RTP1: variants seen among roughly 807,000 people sequenced by gnomAD.
The protein encoded by RTP1 is receptor transporter protein 1.
In RTP1, 24 loss-of-function variants were observed where a neutral mutation model predicts 27.1. The observed-to-expected ratio is 0.89, with a 90% CI of 0.64 to 1.25. The LOEUF is 1.25. Ranked by LOEUF, RTP1 falls within the 50% of genes most tolerant of loss-of-function variation. The probability of loss-of-function intolerance (pLI) is 0.00; values close to 1 mark genes in which losing one functional copy is unlikely to be tolerated. For synonymous variants in RTP1, 148 were observed against 148.1 expected, an observed-to-expected ratio of 1.00 and a Z score of 0.00; for missense variants, 338 against 351.6, an observed-to-expected ratio of 0.96 and a Z score of 0.31.
At position 187,200,007 on chromosome 3, in the gene RTP1, GT is replaced by G; in HGVS notation, c.733del (p.Trp245GlyfsTer7). The G allele has an allele frequency of 1.3e-6, 2 of 1,543,048 alleles. No homozygotes were observed. The highest frequency in any genetic ancestry group is 1.7e-6 in the Non-Finnish European group (2 of 1,145,664). ...WNFCSIPWCL[F>X]WATVLLLIIY... is the part of the protein sequence containing the mutation. Reference sequence around the variant, plus strand: ...ACTTCTGCTCTATCCCCTGGTGCTTGTTTTGGGCCACGGTCCTGCTGCTGAT... The same window carrying G: ...ACTTCTGCTCTATCCCCTGGTGCTTGTTTGGGCCACGGTCCTGCTGCTGAT... On this transcript the variant is annotated frameshift_variant, in exon 2 of 2. Coordinates refer to ENST00000312295, the MANE Select transcript of RTP1 (RefSeq NM_153708.3). LOFTEE classifies it high-confidence loss of function.
Position 187,201,104 on chromosome 3 carries a change from G to C in RTP1, c.*1034G>C, listed in dbSNP as rs1721710883. 6.6e-6 allele frequency: 1 copy of C among 152,216 alleles called. No individual in the cohort carries two copies. Among genetic ancestry groups the C allele is most frequent in the Non-Finnish European group, 1.5e-5 (1 of 68,042 alleles). 9.4% of individuals were successfully genotyped at this position (152,216 alleles called of 1,614,324 possible). ...GCATGAGGCCTCTTGCCAAAGATCAGCTGTCCCCCTAAAGCCACAGGGATG... is the reference window on the plus strand; with the variant it reads ...GCATGAGGCCTCTTGCCAAAGATCACCTGTCCCCCTAAAGCCACAGGGATG... On this transcript the variant is annotated 3_prime_UTR_variant, in exon 2 of 2. Coordinates refer to ENST00000312295, the MANE Select transcript of RTP1 (RefSeq NM_153708.3).
At chr3:187,198,630 A>G (rs1721644538) in intron 1 of RTP1, 1 of 152,178 alleles carries the variant, frequency 6.6e-6, no homozygotes, top group Non-Finnish European at 1.5e-5. Context: ...TTCAGGAAAC[A>G]TTACTGGGCA....
chr3:187,199,626 C>T lies in RTP1; in HGVS notation c.348C>T (p.Arg116=), dbSNP rs771612206. The change falls in exon 2 of 2, where the codon CGC becomes CGT. Residue 116 remains arginine (R), a synonymous_variant. Coordinates refer to ENST00000312295, the MANE Select transcript of RTP1 (RefSeq NM_153708.3). ...VVILFHMFLD[R]AQRAGSVRMR... ...TCCTCTTCCACATGTTCCTGGACCG[C>T]GCCCAGCGGGCGGGCTCGGTGCGCA... The T allele has an allele frequency of 6.2e-7, 1 of 1,608,912 alleles. No homozygotes were observed. The highest frequency in any genetic ancestry group is 8.5e-7 in the Non-Finnish European group (1 of 1,175,830).
At position 187,199,927 on chromosome 3, in the gene RTP1, T is replaced by C. The variant is rs1197196458; in HGVS notation, c.649T>C (p.Phe217Leu). The C allele has an allele frequency of 6.3e-7, 1 of 1,596,196 alleles. No homozygotes were observed. The highest frequency in any genetic ancestry group is 2.2e-5 in the East Asian group (1 of 44,622). Residue 217 changes from phenylalanine (F) to leucine (L), a missense_variant, in exon 2 of 2, where the codon TTC becomes CTC. Phe to Leu is a conservative substitution (Grantham distance 22). This residue lies in a region of RTP1 where 252 missense variants were observed against 231.5 expected (regional missense o/e 1.09). Transcript: ENST00000312295. ...GGAGGAGGAGGCGACCACCTACACC[T>C]TCTCCCGGGCGCCCAGCCCCACCAA... ...LLEEEATTYT[F>L]SRAPSPTKSQ...
chr3:187,199,881 G>C lies in RTP1; in HGVS notation c.603G>C (p.Trp201Cys), dbSNP rs1466301873. The C allele has an allele frequency of 6.3e-7, 1 of 1,593,732 alleles. No individual in the cohort carries two copies. The part of the protein sequence containing the change: ...CEACQEGIVH[W>C]KPSEKLLEEE... Reference sequence around the variant, plus strand: ...CCTGCCAGGAGGGCATCGTGCACTGGAAGCCCAGCGAGAAGCTGCTGGAGG... The same window carrying C: ...CCTGCCAGGAGGGCATCGTGCACTGCAAGCCCAGCGAGAAGCTGCTGGAGG... The change falls in exon 2 of 2, where the codon TGG (tryptophan) becomes TGC (cysteine). Residue 201 changes from tryptophan (W) to cysteine (C), a missense_variant. Trp to Cys is a radical substitution (Grantham distance 215, BLOSUM62 -2). Around this residue, in one of 3 missense-constraint regions of RTP1, gnomAD observed 252 missense variants for 231.5 expected, o/e 1.09. Coordinates refer to ENST00000312295, the MANE Select transcript of RTP1 (RefSeq NM_153708.3).
chr3:187,199,657 G>A lies in RTP1; in HGVS notation c.379G>A (p.Val127Ile), dbSNP rs762886174. ...AQRAGSVRMR[V>I]FKQLCYECGT... is the part of the protein sequence containing the mutation. ...GCGGGCGGGCTCGGTGCGCATGCGC[G>A]TCTTCAAGCAGCTGTGCTATGAGTG... The change falls in exon 2 of 2, where the codon GTC (valine) becomes ATC (isoleucine). Residue 127 changes from valine (V) to isoleucine (I), a missense_variant. By Grantham distance (29) the Val-to-Ile change is conservative. Coordinates refer to ENST00000312295, the MANE Select transcript of RTP1 (RefSeq NM_153708.3). 1.4e-5 allele frequency: 23 copies of A among 1,609,854 alleles called. No individual in the cohort carries two copies. Among genetic ancestry groups the A allele is most frequent in the Non-Finnish European group, 2.0e-5 (23 of 1,176,666 alleles).
In RTP1 at chr3:187,197,811, C is replaced by G. The variant is rs529199615; in HGVS notation, c.272+24C>G. On this transcript the variant is annotated intron_variant, in intron 1 of 1. Transcript: ENST00000312295. ...AGGTGAGTAGCCCAGGAAGGTGGAT[C>G]CCTGCAGGCCGCCTCTAGGTCCCTA... 9.4e-6 allele frequency: 15 copies of G among 1,601,712 alleles called. No homozygotes were observed. The South Asian group carries it at 1.7e-4, about 18-fold the overall frequency.
At chr3:187,199,447 C>A in intron 1 of RTP1, 104 bp from the exon 2 acceptor site, 1 of 1,316,364 alleles carries the variant, frequency 7.6e-7, no homozygotes, top group Non-Finnish European at 1.0e-6. Flanking sequence ...ACTTCCTCCA[C>A]CTCCAGGCTC....
In RTP1 at chr3:187,200,179, A is replaced by G; in HGVS notation, c.*109A>G. On this transcript the variant is annotated 3_prime_UTR_variant, in exon 2 of 2. Coordinates refer to ENST00000312295, the MANE Select transcript of RTP1 (RefSeq NM_153708.3). Reference sequence around the variant, plus strand: ...GTAAACTTCTAGCGCTGGTGATGTCACTGACTCAGTGGGGATCTTGGACAA... The same window carrying G: ...GTAAACTTCTAGCGCTGGTGATGTCGCTGACTCAGTGGGGATCTTGGACAA... The G allele has an allele frequency of 1.0e-6, 1 of 959,782 alleles. No homozygotes were observed. Among genetic ancestry groups the G allele is most frequent in the Non-Finnish European group, 1.5e-6 (1 of 685,230 alleles). 59.5% of individuals were successfully genotyped at this position (959,782 alleles called of 1,614,324 possible).
intron 1 of RTP1, 34 bp downstream of exon 1, chr3:187,197,821 C>G (rs200624629): frequency 3.1e-6 from 5 of 1,597,156 alleles, no homozygotes; most frequent in Non-Finnish European, 4.3e-6. Context: ...CCCTGCAGGC[C>G]GCCTCTAGGT....
At chr3:187,197,889 G>A in intron 1 of RTP1, 102 bp downstream of exon 1, 1 of 1,184,962 alleles carries the variant, frequency 8.4e-7, no homozygotes, top group Non-Finnish European at 1.2e-6. Context: ...CAAGTGTTTA[G>A]CTTCAATCTC....
In RTP1 at chr3:187,200,299, C is replaced by A. The variant is rs1270083175; in HGVS notation, c.*229C>A. The stretch of plus-strand genomic sequence containing the variant: ...AGGACCCCAAAGTTCTGCGTAGGTG[C>A]CTCAGGGACTTTTGGATTTGGAAAG... On this transcript the variant is annotated 3_prime_UTR_variant, in exon 2 of 2. Transcript: ENST00000312295. 1 of 381,592 alleles carries A rather than the reference C, an allele frequency of 2.6e-6. No homozygotes were observed. Among genetic ancestry groups the A allele is most frequent in the Non-Finnish European group, 4.6e-6 (1 of 218,114 alleles). 23.6% of individuals were successfully genotyped at this position (381,592 alleles called of 1,614,324 possible).
rs752765295 is a variant in RTP1, at chr3:187,199,702, G to C, written c.424G>C (p.Glu142Gln). 2 of 1,613,062 alleles carry C rather than the reference G, an allele frequency of 1.2e-6. No individual in the cohort carries two copies. Among genetic ancestry groups the C allele is most frequent in the Admixed American group, 1.7e-5 (1 of 59,984 alleles). The change falls in exon 2 of 2, where the codon GAG becomes CAG. Residue 142 changes from glutamate to glutamine, a missense_variant. Glu to Gln is a conservative substitution (Grantham distance 29, BLOSUM62 2). This residue lies in a region of RTP1 where 252 missense variants were observed against 231.5 expected (regional missense o/e 1.09). Coordinates refer to ENST00000312295, the MANE Select transcript of RTP1 (RefSeq NM_153708.3). ...CYECGTARLD[E>Q]SSMLEENIEG... The stretch of plus-strand genomic sequence containing the variant: ...TGAGTGCGGCACGGCGCGGCTGGAC[G>C]AGTCCAGCATGCTGGAGGAGAACAT...
Position 187,200,172 on chromosome 3 carries a change from T to A in RTP1, c.*102T>A. On this transcript the variant is annotated 3_prime_UTR_variant, in exon 2 of 2. Transcript: ENST00000312295. ...GAATAGTGTAAACTTCTAGCGCTGG[T>A]GATGTCACTGACTCAGTGGGGATCT... The A allele has an allele frequency of 9.8e-7, 1 of 1,015,492 alleles. No homozygotes were observed. Among genetic ancestry groups the A allele is most frequent in the Non-Finnish European group, 1.4e-6 (1 of 730,064 alleles). 62.9% of individuals were successfully genotyped at this position (1,015,492 alleles called of 1,614,324 possible).
Position 187,200,846 on chromosome 3 carries a change from T to C in RTP1, c.*776T>C, listed in dbSNP as rs181225433. ...GGGGTGGGGTCTCATAGAGTTAGGC[T>C]TCTCACCCACTGCGTATTAACTGGC... On this transcript the variant is annotated 3_prime_UTR_variant, in exon 2 of 2. Transcript: ENST00000312295. 1 of 152,308 alleles carries C rather than the reference T, an allele frequency of 6.6e-6. No homozygotes were observed. Among genetic ancestry groups the C allele is most frequent in the Non-Finnish European group, 1.5e-5 (1 of 68,050 alleles). The allele number at this position is 152,308 out of a possible 1,614,324, so 9.4% of individuals were successfully genotyped here. A position where few individuals can be genotyped will look rare whatever the true frequency, so the allele number is the denominator to read the frequency against.
rs1721690206 is a variant in RTP1, at chr3:187,200,066, T to C, written c.788T>C (p.Val263Ala). 1.3e-6 allele frequency: 2 copies of C among 1,505,804 alleles called. No individual in the cohort carries two copies. The highest frequency in any genetic ancestry group is 2.3e-5 in the East Asian group (1 of 43,780). 93.3% of individuals were successfully genotyped at this position (1,505,804 alleles called of 1,614,324 possible). A position where few individuals can be genotyped will look rare whatever the true frequency, so the allele number is the denominator to read the frequency against. ...CTGCAGTTCTCTTTCCGTAGCTCCG[T>C]ATAAGATTCCGTGGTTGGGCCCAGA... ...IYLQFSFRSS[V>A] The change falls in exon 2 of 2, where the codon GTA (valine) becomes GCA (alanine). Residue 263 changes from valine to alanine, a missense_variant. Physicochemically the swap from Val to Ala is moderately conservative, Grantham distance 64. This residue lies in a region of RTP1 where 252 missense variants were observed against 231.5 expected (regional missense o/e 1.09). Transcript: ENST00000312295.
At position 187,199,538 on chromosome 3, in the gene RTP1, C is replaced by T; in HGVS notation, c.273-13C>T. 1 of 1,572,522 alleles carries T rather than the reference C, an allele frequency of 6.4e-7. No individual in the cohort carries two copies. On this transcript the variant is annotated splice_polypyrimidine_tract_variant and intron_variant, in intron 1 of 1. Coordinates refer to ENST00000312295, the MANE Select transcript of RTP1 (RefSeq NM_153708.3). Reference sequence around the variant, plus strand: ...CCCGTCTTCTATTCCTCCCTCTCCTCCCGTCTCCGCAGGTTCCACTGCTCC... The same window carrying T: ...CCCGTCTTCTATTCCTCCCTCTCCTTCCGTCTCCGCAGGTTCCACTGCTCC...
At position 187,200,053 on chromosome 3, in the gene RTP1, T is replaced by G. The variant is rs1303280490; in HGVS notation, c.775T>G (p.Phe259Val). 6.6e-7 allele frequency: 1 copy of G among 1,514,318 alleles called. No individual in the cohort carries two copies. The highest frequency in any genetic ancestry group is 2.3e-5 in the East Asian group (1 of 43,868). 93.8% of individuals were successfully genotyped at this position (1,514,318 alleles called of 1,614,324 possible). Residue 259 changes from phenylalanine (F) to valine (V), a missense_variant, in exon 2 of 2, where the codon TTC becomes GTC. By Grantham distance (50) the Phe-to-Val change is conservative. Around this residue, in one of 3 missense-constraint regions of RTP1, gnomAD observed 252 missense variants for 231.5 expected, o/e 1.09. Coordinates refer to ENST00000312295, the MANE Select transcript of RTP1 (RefSeq NM_153708.3). ...LLLIIYLQFS[F>V]RSSV Reference sequence around the variant, plus strand: ...GCTGATCATCTACCTGCAGTTCTCTTTCCGTAGCTCCGTATAAGATTCCGT... The same window carrying G: ...GCTGATCATCTACCTGCAGTTCTCTGTCCGTAGCTCCGTATAAGATTCCGT...
intron 1 of RTP1, chr3:187,198,536 A>G (rs1279854404): frequency 1.3e-5 from 2 of 152,150 alleles, no homozygotes; most frequent in African/African-American, 4.8e-5. Context: ...CCTTTGAGAC[A>G]TAAGATGGGG....
Sources: allele counts gnomAD v4.1 joint callset, GRCh38; gene constraint gnomAD v4.1.1; regional missense constraint gnomAD v4.1.1; transcripts MANE v1.5; gene names NCBI Gene and HGNC (gene_info 2026-07-23, HGNC 2026-07-21).